KLRD1: variants seen among roughly 807,000 people sequenced by gnomAD.
KLRD1 encodes natural killer cells antigen CD94.
A neutral mutation model predicts 22.6 loss-of-function variants in KLRD1; 21 were observed. The ratio of observed to expected loss-of-function variants is 0.93; its 90% CI spans 0.66 to 1.34. The LOEUF is 1.34. Ranked by LOEUF, KLRD1 falls within the 40% of genes most tolerant of loss-of-function variation. The pLI is 0.00. For synonymous variants in KLRD1, 59 were observed against 71.1 expected (o/e 0.83, Z 0.85); for missense variants, 183 against 208.6 (o/e 0.88, Z 0.76).
chr12:10,260,115 ATAACTAAATGCTCATATCATTCCCATC>A (rs1949438307), intron 1 of KLRD1, among the ~76,000 whole-genome samples: 1 of 17,220 alleles, frequency 5.8e-5, no homozygotes, highest in Admixed American at 2.3e-3. Flanking sequence ...TCCCATCTGT[ATAACTAAATGCTCATATCATTCCCATC>A]TGTATAACTA....
In KLRD1 at chr12:10,311,549, C is replaced by T. The variant is rs544910222; in HGVS notation, c.249C>T (p.Asn83=). 2.3e-5 allele frequency: 37 copies of T among 1,614,046 alleles called. No homozygotes were observed. The highest frequency in any genetic ancestry group is 1.7e-4 in the Middle Eastern group (1 of 6,060). ...YFISSEQKTW[N]ESRHLCASQK... ...TTTCCAGTGAACAGAAAACTTGGAA[C>T]GAAAGTCGGCATCTCTGTGCTTCTC... Residue 83 remains asparagine (N), a synonymous_variant, in exon 4 of 6, where the codon AAC becomes AAT. Coordinates refer to ENST00000336164, the MANE Select transcript of KLRD1 (RefSeq NM_002262.5).
Position 10,315,070 on chromosome 12 carries a change from T to C in KLRD1, c.*277T>C, listed in dbSNP as rs1275088547. 2 of 266,342 alleles carry C rather than the reference T, an allele frequency of 7.5e-6. No individual in the cohort carries two copies. The highest frequency in any genetic ancestry group is 4.6e-5 in the African/African-American group (2 of 43,358). 16.5% of individuals were successfully genotyped at this position (266,342 alleles called of 1,614,324 possible). A position where few individuals can be genotyped will look rare whatever the true frequency, so the allele number is the denominator to read the frequency against. On this transcript the variant is annotated 3_prime_UTR_variant, in exon 6 of 6. Transcript: ENST00000336164. Reference sequence around the variant, plus strand: ...AAATTCAATGTAGTTTTATTACACATTTATGTAATTTTATTTACATTCTTG... The same window carrying C: ...AAATTCAATGTAGTTTTATTACACACTTATGTAATTTTATTTACATTCTTG...
Position 10,326,225 on chromosome 12 carries a change from T to C in KLRD1, c.*11432T>C, listed in dbSNP as rs1321279995. On this transcript the variant is annotated 3_prime_UTR_variant, in exon 6 of 6. Coordinates refer to ENST00000336164, the MANE Select transcript of KLRD1 (RefSeq NM_002262.5). Reference sequence around the variant, plus strand: ...TTGGATATTGACTCCTTTTCTGATATATGATTTGCAATTATTTTCTCCCAT... The same window carrying C: ...TTGGATATTGACTCCTTTTCTGATACATGATTTGCAATTATTTTCTCCCAT... 3.3e-5 allele frequency: 5 copies of C among 152,214 alleles called. No individual in the cohort carries two copies. Among genetic ancestry groups the C allele is most frequent in the Admixed American group, 2.0e-4 (3 of 15,276 alleles). 9.4% of individuals were successfully genotyped at this position (152,214 alleles called of 1,614,324 possible).
chr12:10,276,873 A>G (rs1565456663), intron 1 of KLRD1, among the ~76,000 whole-genome samples: 1 of 152,172 alleles, frequency 6.6e-6, no homozygotes, highest in African/African-American at 2.4e-5. Flanking sequence ...TCTTTTCTGC[A>G]TACTTAGTGA....
chr12:10,271,936 GATT>G (rs1316322152), intron 1 of KLRD1, among the ~76,000 whole-genome samples: 1 of 152,028 alleles, frequency 6.6e-6, no homozygotes, highest in Non-Finnish European at 1.5e-5. Flanking sequence ...CTATTGTAGA[GATT>G]AAGTTAATGT....
intron 1 of KLRD1, among the ~76,000 whole-genome samples, chr12:10,292,120 C>T (rs1354766285): frequency 3.3e-5 from 5 of 152,192 alleles, no homozygotes; most frequent in African/African-American, 1.2e-4. Context: ...CTTCACTTCT[C>T]ATTCTAGTTC....
Position 10,327,401 on chromosome 12 carries a change from T to G in KLRD1, c.*12608T>G, listed in dbSNP as rs185930362. 8.5e-5 allele frequency: 13 copies of G among 152,334 alleles called. No individual in the cohort carries two copies. The East Asian group carries it at 2.5e-3, about 29-fold the overall frequency. 9.4% of individuals were successfully genotyped at this position (152,334 alleles called of 1,614,324 possible). A position where few individuals can be genotyped will look rare whatever the true frequency, so the allele number is the denominator to read the frequency against. On this transcript the variant is annotated 3_prime_UTR_variant, in exon 6 of 6. Coordinates refer to ENST00000336164, the MANE Select transcript of KLRD1 (RefSeq NM_002262.5). ...GGCTTTTTGTGGTTCCATGTATATTTTAGTATCATTGTTTTCCTAATTCTA... is the reference window on the plus strand; with the variant it reads ...GGCTTTTTGTGGTTCCATGTATATTGTAGTATCATTGTTTTCCTAATTCTA...
intron 1 of KLRD1, among the ~76,000 whole-genome samples, chr12:10,289,205 G>C (rs1414772088): frequency 6.6e-6 from 1 of 152,112 alleles, no homozygotes; most frequent in Non-Finnish European, 1.5e-5. Flanking sequence ...AACCCTAAAG[G>C]CCACCCAACA....
chr12:10,328,237 A>G lies in KLRD1; in HGVS notation c.*13444A>G, dbSNP rs1231911841. ...TAATAGCTTGGGAAAGATGGCCATT[A>G]ATTTCTCCTTAAATATTTGGTGGCT... is the stretch of plus-strand genomic sequence containing the variant. On this transcript the variant is annotated 3_prime_UTR_variant, in exon 6 of 6. Coordinates refer to ENST00000336164, the MANE Select transcript of KLRD1 (RefSeq NM_002262.5). 1.3e-5 allele frequency: 2 copies of G among 152,110 alleles called. No individual in the cohort carries two copies. The highest frequency in any genetic ancestry group is 4.8e-5 in the African/African-American group (2 of 41,416). 9.4% of individuals were successfully genotyped at this position (152,110 alleles called of 1,614,324 possible).
chr12:10,255,954 A>G (rs777810999), intron 1 of KLRD1, among the ~76,000 whole-genome samples: 6 of 151,992 alleles, frequency 3.9e-5, no homozygotes, highest in African/African-American at 1.4e-4. Flanking sequence ...AGAGCTATCT[A>G]TTTGTCTCTT....
intron 1 of KLRD1, among the ~76,000 whole-genome samples, chr12:10,254,193 C>T (rs1949370751): frequency 6.6e-6 from 1 of 152,000 alleles, no homozygotes; most frequent in African/African-American, 2.4e-5. Flanking sequence ...CTTTGGGAGG[C>T]CGAGACGGGT....
chr12:10,244,878 C>T (rs1949276821), intron 1 of KLRD1, among the ~76,000 whole-genome samples: 1 of 152,046 alleles, frequency 6.6e-6, no homozygotes, highest in South Asian at 2.1e-4. Context: ...AGTGGTAATG[C>T]AGTACTGATT....
intron 1 of KLRD1, among the ~76,000 whole-genome samples, chr12:10,270,219 T>C (rs1309813999): frequency 6.6e-6 from 1 of 152,174 alleles, no homozygotes; most frequent in African/African-American, 2.4e-5. Context: ...AAAAACTGAA[T>C]TGATAAAATT....
At chr12:10,243,379 C>T (rs1171494521) in intron 1 of KLRD1, among the ~76,000 whole-genome samples, 5 of 151,756 alleles carry the variant, frequency 3.3e-5, no homozygotes, top group South Asian at 4.2e-4. Flanking sequence ...TTTGGGAGGC[C>T]AAGGCAGGTG....
intron 1 of KLRD1, among the ~76,000 whole-genome samples, chr12:10,267,490 A>G (rs1217175410): frequency 6.6e-6 from 1 of 152,200 alleles, no homozygotes; most frequent in Non-Finnish European, 1.5e-5. Context: ...TGTTGAGCAA[A>G]TAAAGACAAA....
intron 1 of KLRD1, among the ~76,000 whole-genome samples, chr12:10,244,109 A>G (rs1469984432): frequency 2.0e-5 from 3 of 152,150 alleles, no homozygotes; most frequent in Non-Finnish European, 4.4e-5. Flanking sequence ...TTGTTGGTCA[A>G]GCGCTCAGGC....
At chr12:10,246,912 C>CT (rs1207904738) in intron 1 of KLRD1, among the ~76,000 whole-genome samples, 5 of 123,682 alleles carry the variant, frequency 4.0e-5, no homozygotes, top group Non-Finnish European at 5.1e-5. Flanking sequence ...TTTCTTTTTT[C>CT]TTTTTCTTTT....
intron 1 of KLRD1, among the ~76,000 whole-genome samples, chr12:10,251,327 G>A (rs1949344495): frequency 6.6e-6 from 1 of 152,010 alleles, no homozygotes; most frequent in East Asian, 1.9e-4. Context: ...GCTTCACCAT[G>A]TTGTCCAGGC....
At chr12:10,252,028 A>G (rs1565448115) in intron 1 of KLRD1, among the ~76,000 whole-genome samples, 2 of 152,126 alleles carry the variant, frequency 1.3e-5, no homozygotes, top group Non-Finnish European at 2.9e-5. Flanking sequence ...TGAATTCTGG[A>G]GAGACAACAT....
Sources: gnomAD v4.1 joint callset for allele counts (sites outside exome capture counted in the v4.1 genomes callset) on GRCh38, gnomAD v4.1.1 for gene constraint, MANE v1.5 for transcripts, NCBI Gene and HGNC (gene_info 2026-07-23, HGNC 2026-07-21) for gene names.